RHBDD1: variants seen among roughly 807,000 people sequenced by gnomAD.
RHBDD1 encodes the protein rhomboid domain containing 1, also known as rhomboid-related protein 4.
A neutral mutation model predicts 36.3 loss-of-function variants in RHBDD1; 38 were observed. That is an observed-to-expected ratio of 1.05 (90% confidence interval 0.81 to 1.37). RHBDD1 has a LOEUF of 1.37. RHBDD1 is among the 40% of genes most tolerant of loss of function. The pLI, the probability that RHBDD1 is intolerant of heterozygous loss-of-function variation, is 0.00. For missense variants in RHBDD1, 393 were observed against 377.6 expected (o/e 1.04, Z -0.34); for synonymous variants, 151 against 136.5 (o/e 1.11, Z -0.74).
At chr2:226,801,329 G>C in the RHBDD1 span, among the ~76,000 whole-genome samples, 1 of 152,212 alleles carries the variant, frequency 6.6e-6, no homozygotes, top group Admixed American at 6.5e-5. Context: ...GAGGGAAGGT[G>C]GGGGTAGAAG....
intron 8 of RHBDD1, among the ~76,000 whole-genome samples, chr2:226,942,738 A>G: frequency 6.6e-6 from 1 of 152,268 alleles, no homozygotes; most frequent in South Asian, 2.1e-4. Context: ...TAATTTTTAA[A>G]TATTAGTGAC....
chr2:226,862,237 A>G (rs866289961), intron 3 of RHBDD1, among the ~76,000 whole-genome samples: 1 of 152,272 alleles, frequency 6.6e-6, no homozygotes, highest in Middle Eastern at 3.4e-3. Context: ...TGTTCCAAGC[A>G]TGTCACAGTA....
At chr2:226,832,478 G>C (rs1221723470), upstream of RHBDD1, among the ~76,000 whole-genome samples, 2 of 152,164 alleles carry the variant, frequency 1.3e-5, no homozygotes, top group Non-Finnish European at 2.9e-5. Flanking sequence ...GTACATGTTG[G>C]TTAGGTTGAG....
At chr2:226,864,037 T>C (rs1944097720) in intron 3 of RHBDD1, among the ~76,000 whole-genome samples, 1 of 152,150 alleles carries the variant, frequency 6.6e-6, no homozygotes, top group Admixed American at 6.5e-5. Context: ...AGGATTTGGC[T>C]TGTAGAGTAG....
At position 226,843,209 on chromosome 2, in the gene RHBDD1, A is replaced by G. The variant is rs888591996; in HGVS notation, c.-91+3582A>G. On this transcript the variant is annotated intron_variant, in intron 3 of 8. Coordinates refer to ENST00000392062, the MANE Select transcript of RHBDD1 (RefSeq NM_001167608.3). Reference sequence around the variant, plus strand: ...GGTTTTCTAGATATAGGATCATGTCATCTGCAAACAGATAATTTCACTTCC... The same window carrying G: ...GGTTTTCTAGATATAGGATCATGTCGTCTGCAAACAGATAATTTCACTTCC... Among the ~76,000 whole-genome samples, 4 of 152,214 alleles carry G rather than the reference A, an allele frequency of 2.6e-5. No individual in the cohort carries two copies. The South Asian group carries it at 6.2e-4, about 24-fold the overall frequency.
At chr2:226,896,609 T>G (rs1947115164) in intron 5 of RHBDD1, among the ~76,000 whole-genome samples, 1 of 152,190 alleles carries the variant, frequency 6.6e-6, no homozygotes, top group Non-Finnish European at 1.5e-5. Flanking sequence ...GGGTCTGTTC[T>G]CTCAGCAGGT....
At chr2:226,818,602 A>G in the RHBDD1 span, among the ~76,000 whole-genome samples, 3 of 151,086 alleles carry the variant, frequency 2.0e-5, no homozygotes, top group South Asian at 6.4e-4. Flanking sequence ...GCACTTTGGG[A>G]GGCCGAGGTG....
At position 226,938,744 on chromosome 2, in the gene RHBDD1, GA is replaced by G. The variant is rs368189548; in HGVS notation, c.856+24403del. On this transcript the variant is annotated intron_variant, in intron 8 of 8. Transcript: ENST00000392062. Reference sequence around the variant, plus strand: ...TTGAAACTATTACAAAAAAATGAAAGAAAAAAAAAACGGACTCCTTGCTAAC... The same window carrying G: ...TTGAAACTATTACAAAAAAATGAAAGAAAAAAAAACGGACTCCTTGCTAAC... Among the ~76,000 whole-genome samples the G allele has an allele frequency of 8.0e-3, 1,156 of 144,168 alleles. 6 individuals carry two copies. Among genetic ancestry groups the G allele is most frequent in the Non-Finnish European group, 0.014 (919 of 65,254 alleles). The allele number at this position is 144,168 out of a possible 152,430, so 94.6% of individuals were successfully genotyped here.
At chr2:226,935,862 G>A in intron 8 of RHBDD1, among the ~76,000 whole-genome samples, 1 of 152,102 alleles carries the variant, frequency 6.6e-6, no homozygotes, top group South Asian at 2.1e-4. Flanking sequence ...TGTATTAGAT[G>A]GTAGTACCTT....
intron 8 of RHBDD1, among the ~76,000 whole-genome samples, chr2:226,943,230 A>G (rs1950776092): frequency 6.6e-6 from 1 of 152,222 alleles, no homozygotes; most frequent in Non-Finnish European, 1.5e-5. Context: ...AGGACCAAAG[A>G]TCTCCTTAAT....
chr2:226,948,564 T>TAAAAAAAAAAAAAAAAAAAAAAAA (rs56325989), intron 8 of RHBDD1, among the ~76,000 whole-genome samples: 1 of 23,556 alleles, frequency 4.2e-5, no homozygotes, highest in Non-Finnish European at 8.3e-5. Context: ...ACTTAAAGTA[T>TAAAAAAAAAAAAAAAAAAAAAAAA]AAAAAAAAAA....
chr2:226,830,259 A>C, the RHBDD1 span, among the ~76,000 whole-genome samples: 3 of 152,194 alleles, frequency 2.0e-5, no homozygotes, highest in Non-Finnish European at 4.4e-5. Context: ...GAGACCCCAG[A>C]GAGCTAGTTC....
At chr2:226,865,975 G>A (rs1255339079) in intron 4 of RHBDD1, among the ~76,000 whole-genome samples, 3 of 152,246 alleles carry the variant, frequency 2.0e-5, no homozygotes, top group African/African-American at 7.2e-5. Context: ...TGCTGGCCAT[G>A]TTTTAGGAGC....
intron 3 of RHBDD1, among the ~76,000 whole-genome samples, chr2:226,856,843 C>T (rs1322863832): frequency 1.3e-5 from 2 of 152,102 alleles, no homozygotes; most frequent in Non-Finnish European, 2.9e-5. Flanking sequence ...GCTTTGTTTG[C>T]AGTAATAAAA....
At chr2:226,958,317 A>G (rs1951921130) in intron 8 of RHBDD1, among the ~76,000 whole-genome samples, 1 of 152,176 alleles carries the variant, frequency 6.6e-6, no homozygotes, top group Non-Finnish European at 1.5e-5. Context: ...TGAAGTGGCC[A>G]TAATAGGCAA....
chr2:226,923,684 A>C (rs538074335), intron 8 of RHBDD1, among the ~76,000 whole-genome samples: 3 of 152,044 alleles, frequency 2.0e-5, no homozygotes, highest in African/African-American at 7.2e-5. Context: ...TATTTTCTAG[A>C]TATTGAAGGT....
At chr2:226,856,849 T>A (rs1943377607) in intron 3 of RHBDD1, among the ~76,000 whole-genome samples, 1 of 152,234 alleles carries the variant, frequency 6.6e-6, no homozygotes, top group Non-Finnish European at 1.5e-5. Context: ...TTTGCAGTAA[T>A]AAAACACACT....
the RHBDD1 span, among the ~76,000 whole-genome samples, chr2:226,822,796 G>A: frequency 1.3e-5 from 2 of 152,106 alleles, no homozygotes; most frequent in Non-Finnish European, 2.9e-5. Flanking sequence ...AAGACATGAG[G>A]ATGGAGCCTT....
intron 3 of RHBDD1, among the ~76,000 whole-genome samples, chr2:226,858,272 A>G (rs914714879): frequency 6.6e-6 from 1 of 152,248 alleles, no homozygotes; most frequent in African/African-American, 2.4e-5. Context: ...TATAGCATTA[A>G]TATATCTCAA....
Sources: gnomAD v4.1 joint callset for allele counts (sites outside exome capture counted in the v4.1 genomes callset) on GRCh38, gnomAD v4.1.1 for gene constraint, MANE v1.5 for transcripts, NCBI Gene and HGNC (gene_info 2026-07-23, HGNC 2026-07-21) for gene names.